SCUBE2: variants seen among roughly 807,000 people sequenced by gnomAD.
SCUBE2 encodes the protein signal peptide, CUB and EGF-like domain-containing protein 2.
Under a neutral mutation model 125.9 loss-of-function variants are expected in SCUBE2, and 114 were observed. That is an observed-to-expected ratio of 0.91 (90% CI 0.78 to 1.06). SCUBE2 has a LOEUF of 1.06. SCUBE2 is among the 50% of genes least tolerant of loss of function. The pLI is 0.00. For missense variants in SCUBE2, 1,255 were observed against 1,301.8 expected (o/e 0.96, Z 0.55); for synonymous variants, 459 against 492.9 (o/e 0.93, Z 0.91).
At chr11:9,084,211 A>C (rs1861880256) in intron 2 of SCUBE2, among the ~76,000 whole-genome samples, 1 of 152,236 alleles carries the variant, frequency 6.6e-6, no homozygotes, top group Non-Finnish European at 1.5e-5. Context: ...ATGTGTGGGG[A>C]GCTTCCAATG....
intron 16 of SCUBE2, among the ~76,000 whole-genome samples, chr11:9,046,534 C>A (rs755965611): frequency 6.6e-6 from 1 of 152,072 alleles, no homozygotes; most frequent in East Asian, 1.9e-4. Context: ...GGATAGCAGA[C>A]GGGGGAGGGG....
chr11:9,079,336 G>T lies in SCUBE2; in HGVS notation c.382+48C>A, dbSNP rs530031215. ...GGAGGTCTTCACCAAGGGAAAGAAA[G>T]GGGTGGGAGAGTGAAGGAGAATTGC... On this transcript the variant is annotated intron_variant, in intron 3 of 22. Transcript: ENST00000649792. 34 of 1,609,086 alleles carry T rather than the reference G, an allele frequency of 2.1e-5. No homozygotes were observed. In the Middle Eastern group the frequency reaches 5.0e-4, roughly 23 times the overall value.
chr11:9,061,279 G>A (rs4061638), intron 7 of SCUBE2, among the ~76,000 whole-genome samples: 38 of 152,066 alleles, frequency 2.5e-4, no homozygotes, highest in African/African-American at 4.8e-4. Context: ...GGGTGGTGGC[G>A]AGGGTGGTGG....
At chr11:9,062,896 C>A (rs1405089731) in intron 7 of SCUBE2, among the ~76,000 whole-genome samples, 1 of 151,424 alleles carries the variant, frequency 6.6e-6, no homozygotes, top group Admixed American at 6.6e-5. Context: ...GTTACCACAG[C>A]CAGCTAACAG....
intron 2 of SCUBE2, among the ~76,000 whole-genome samples, chr11:9,084,964 C>G (rs1301513753): frequency 6.6e-6 from 1 of 152,162 alleles, no homozygotes; most frequent in Non-Finnish European, 1.5e-5. Context: ...CCAGGCTTAT[C>G]TCACACTCCT....
intron 2 of SCUBE2, among the ~76,000 whole-genome samples, chr11:9,081,986 C>T (rs372637433): frequency 6.6e-6 from 1 of 152,222 alleles, no homozygotes; most frequent in Non-Finnish European, 1.5e-5. Flanking sequence ...CACATCCTCA[C>T]AGACATTTAT....
Position 9,047,948 on chromosome 11 carries a change from ACCT to A in SCUBE2, c.1787_1789del (p.Glu596del), listed in dbSNP as rs765906935. 1 of 1,609,264 alleles carries A rather than the reference ACCT, an allele frequency of 6.2e-7. No individual in the cohort carries two copies. Among genetic ancestry groups the A allele is most frequent in the Non-Finnish European group, 8.5e-7 (1 of 1,177,572 alleles). On this transcript the variant is annotated inframe_deletion, in exon 15 of 23. Coordinates refer to ENST00000649792, the MANE Select transcript of SCUBE2 (RefSeq NM_001367977.2). ...CAGACTGTTTTCAAACCAACCTGTCACCTCCTTTTGGTTAGTTTCAAGCTCAAA... is the reference window on the plus strand; with the variant it reads ...CAGACTGTTTTCAAACCAACCTGTCACCTTTTGGTTAGTTTCAAGCTCAAA...
chr11:9,083,955 G>A (rs1004985060), intron 2 of SCUBE2, among the ~76,000 whole-genome samples: 17 of 152,190 alleles, frequency 1.1e-4, no homozygotes, highest in African/African-American at 3.4e-4. Context: ...GTGTGCATGC[G>A]TGGATGAGTA....
At chr11:9,045,624 C>T (rs953756217) in intron 16 of SCUBE2, among the ~76,000 whole-genome samples, 1 of 148,494 alleles carries the variant, frequency 6.7e-6, no homozygotes. Context: ...CACACACACA[C>T]ACACACACAC....
At chr11:9,063,827 A>G (rs953882119) in intron 7 of SCUBE2, among the ~76,000 whole-genome samples, 7 of 152,254 alleles carry the variant, frequency 4.6e-5, no homozygotes, top group Admixed American at 3.9e-4. Context: ...CACCAAGAAA[A>G]TTGATTTGAT....
At chr11:9,087,436 G>A (rs995299802) in intron 2 of SCUBE2, among the ~76,000 whole-genome samples, 19 of 152,152 alleles carry the variant, frequency 1.2e-4, no homozygotes, top group Non-Finnish European at 2.2e-4. Context: ...ATTTAATACC[G>A]AAAGTGTGTG....
chr11:9,086,183 AT>A, intron 2 of SCUBE2, among the ~76,000 whole-genome samples: 1 of 152,376 alleles, frequency 6.6e-6, no homozygotes, highest in South Asian at 2.1e-4. Context: ...AGCAAAGATC[AT>A]TTAGAATAAA....
Position 9,091,259 on chromosome 11 carries a change from G to A in SCUBE2, c.133+137C>T, listed in dbSNP as rs1862690562. 4 of 548,710 alleles carry A rather than the reference G, an allele frequency of 7.3e-6. No individual in the cohort carries two copies. The Admixed American group carries it at 1.4e-4, about 20-fold the overall frequency. 34.0% of individuals were successfully genotyped at this position (548,710 alleles called of 1,614,324 possible). The stretch of plus-strand genomic sequence containing the variant: ...CCCGGCCGGCGGGTGAGGTCCCGGG[G>A]GGAGCAGAGGCCCCCGCGGAGCTGC... On this transcript the variant is annotated intron_variant, in intron 1 of 22. Transcript: ENST00000649792. The surrounding 1 kb of genome is among the most constrained non-coding windows in gnomAD (Gnocchi z 8.5).
At chr11:9,071,112 T>C (rs1860757752) in intron 4 of SCUBE2, among the ~76,000 whole-genome samples, 1 of 152,116 alleles carries the variant, frequency 6.6e-6, no homozygotes, top group East Asian at 1.9e-4. Flanking sequence ...CCAGAAAGCG[T>C]TGTGTTTGTC....
intron 10 of SCUBE2, among the ~76,000 whole-genome samples, chr11:9,054,726 T>TATATATATATATA (rs1491239911): frequency 1.6e-3 from 46 of 28,364 alleles, no homozygotes; most frequent in Non-Finnish European, 1.8e-3. Context: ...TATATATATA[T>TATATATATATATA]TTTTTTTTTT....
Position 9,072,834 on chromosome 11 carries a change from A to C in SCUBE2, c.517+1647T>G, listed in dbSNP as rs1860916011. Among the ~76,000 whole-genome samples, 3 of 152,358 alleles carry C rather than the reference A, an allele frequency of 2.0e-5. No individual in the cohort carries two copies. The South Asian group carries it at 6.2e-4, about 32-fold the overall frequency. ...AGAATGTCTGAATTGTAGAAAATTT[A>C]GAAAACACAGTTTGCAGAAAGGAAC... is the stretch of plus-strand genomic sequence containing the variant. On this transcript the variant is annotated intron_variant, in intron 4 of 22. Coordinates refer to ENST00000649792, the MANE Select transcript of SCUBE2 (RefSeq NM_001367977.2).
At chr11:9,039,184 G>A (rs191939176) in intron 16 of SCUBE2, among the ~76,000 whole-genome samples, 54 of 152,336 alleles carry the variant, frequency 3.5e-4, no homozygotes, top group Admixed American at 1.1e-3. Context: ...GTGGAGAACA[G>A]ATGGAGGCCA....
chr11:9,046,036 T>C (rs1857708271), intron 16 of SCUBE2, among the ~76,000 whole-genome samples: 1 of 148,880 alleles, frequency 6.7e-6, no homozygotes, highest in Admixed American at 6.7e-5. Flanking sequence ...AGACGGAGTC[T>C]TGCTCTGTCG....
chr11:9,053,876 G>C (rs1242232852), intron 10 of SCUBE2, 117 bp from the exon 11 acceptor site: 1 of 1,274,320 alleles, frequency 7.8e-7, no homozygotes, highest in African/African-American at 1.5e-5. Flanking sequence ...CTAACCAAAG[G>C]AAGACACTGA....
Sources: gnomAD v4.1 joint callset for allele counts (sites outside exome capture counted in the v4.1 genomes callset) on GRCh38, gnomAD v4.1.1 for gene constraint, Gnocchi (gnomAD v3.1) non-coding constraint, MANE v1.5 for transcripts, NCBI Gene and HGNC (gene_info 2026-07-23, HGNC 2026-07-21) for gene names.